Variants in FYB2 observed in about 807,000 individuals in gnomAD.
FYB2 encodes FYN-binding protein 2.
Under a neutral mutation model 94.1 loss-of-function variants are expected in FYB2, and 103 were observed. The observed-to-expected ratio is 1.09, with a 90% CI of 0.93 to 1.29. The LOEUF (loss-of-function observed/expected upper bound fraction) is 1.29, where lower values mean the gene tolerates loss of function less well. FYB2 is among the 50% of genes most tolerant of loss of function. FYB2 has a pLI of 0.00. For missense variants in FYB2, 896 were observed against 841.5 expected (o/e 1.06, Z -0.80); for synonymous variants, 293 against 287.9 (o/e 1.02, Z -0.18).
intron 15 of FYB2, 60 bp from the exon 16 acceptor site, chr1:56,726,643 A>G (rs767088580): frequency 7.4e-7 from 1 of 1,355,402 alleles, no homozygotes; most frequent in Non-Finnish European, 1.0e-6. Flanking sequence ...TCATGGAACC[A>G]TCAACACTTC....
intron 16 of FYB2, among the ~76,000 whole-genome samples, chr1:56,725,899 G>A (rs185067400): frequency 2.0e-5 from 3 of 152,066 alleles, no homozygotes; most frequent in East Asian, 3.9e-4. Context: ...CTCATATCCT[G>A]CCCCATGTCC....
intron 13 of FYB2, among the ~76,000 whole-genome samples, chr1:56,740,262 C>A (rs72668346): frequency 4.3e-4 from 66 of 152,188 alleles, no homozygotes; most frequent in Non-Finnish European, 3.5e-4. Context: ...CTCATCTCCC[C>A]CTTCCACATA....
At position 56,792,285 on chromosome 1, in the gene FYB2, C is replaced by T. The variant is rs777916991; in HGVS notation, c.528G>A (p.Gly176=). 7 of 1,613,960 alleles carry T rather than the reference C, an allele frequency of 4.3e-6. No individual in the cohort carries two copies. In the African/African-American group the frequency reaches 8.0e-5, roughly 18 times the overall value. ...TTTTCCTGGGTTCCTCTGGAGTAAG[C>T]CCCATGCCTTTTTGCCCTTCCAGAT... is the stretch of plus-strand genomic sequence containing the variant. ...AIHLEGQKGM[G]LTPEEPRKKL... The change falls in exon 2 of 20, where the codon GGG becomes GGA. Residue 176 remains glycine (G), a synonymous_variant. Transcript: ENST00000343433.
At chr1:56,790,887 A>G (rs541615845) in intron 2 of FYB2, among the ~76,000 whole-genome samples, 1 of 152,302 alleles carries the variant, frequency 6.6e-6, no homozygotes, top group Non-Finnish European at 1.5e-5. Flanking sequence ...CAGCTACAAA[A>G]GCTTAAAGAA....
chr1:56,734,244 T>C (rs1473597604), intron 15 of FYB2, among the ~76,000 whole-genome samples: 1 of 152,166 alleles, frequency 6.6e-6, no homozygotes, highest in African/African-American at 2.4e-5. Flanking sequence ...ACCCCTGCTT[T>C]TTTTGCTTTC....
At chr1:56,791,950 C>T (rs1427517560) in intron 2 of FYB2, 106 bp downstream of exon 2, 4 of 1,432,762 alleles carry the variant, frequency 2.8e-6, no homozygotes, top group Non-Finnish European at 3.7e-6. Flanking sequence ...TCTGGAGCCA[C>T]ATTTCCCAGG....
intron 11 of FYB2, 61 bp downstream of exon 11, chr1:56,743,965 C>G: frequency 6.6e-7 from 1 of 1,508,962 alleles, no homozygotes; most frequent in Non-Finnish European, 9.1e-7. Flanking sequence ...TATCACTAAT[C>G]AGCCATAGAA....
intron 1 of FYB2, among the ~76,000 whole-genome samples, chr1:56,793,329 C>T (rs1230067941): frequency 1.3e-5 from 2 of 152,172 alleles, no homozygotes; most frequent in Non-Finnish European, 2.9e-5. Flanking sequence ...GGTTTGTGTT[C>T]TTGCTTCACA....
intron 4 of FYB2, among the ~76,000 whole-genome samples, chr1:56,782,058 G>A (rs1340099134): frequency 1.3e-5 from 2 of 152,148 alleles, no homozygotes; most frequent in Non-Finnish European, 2.9e-5. Context: ...CGTACGATGT[G>A]TAAAGTTCAA....
intron 5 of FYB2, among the ~76,000 whole-genome samples, chr1:56,763,910 T>C (rs17114291): frequency 0.034 from 5,186 of 152,184 alleles, 212 homozygotes; most frequent in East Asian, 0.22. Context: ...TGCATTTCTT[T>C]TAGATTTGCT....
intron 4 of FYB2, among the ~76,000 whole-genome samples, chr1:56,772,133 C>A (rs1645772565): frequency 6.6e-6 from 1 of 152,006 alleles, no homozygotes; most frequent in Non-Finnish European, 1.5e-5. Flanking sequence ...TAGGCTATGC[C>A]ATAGAGCTCA....
rs1177315636 is a variant in FYB2, at chr1:56,751,031, A to T, written c.1387+13T>A. 5 of 1,606,622 alleles carry T rather than the reference A, an allele frequency of 3.1e-6. No homozygotes were observed. The highest frequency in any genetic ancestry group is 4.3e-6 in the Non-Finnish European group (5 of 1,176,010). ...TGTAATGATGAAGAAGATCAGAAAG[A>T]AATGCAACTTACAGTGGCCTTGGGA... On this transcript the variant is annotated intron_variant, in intron 9 of 19. Coordinates refer to ENST00000343433, the MANE Select transcript of FYB2 (RefSeq NM_001004303.5).
At position 56,758,709 on chromosome 1, in the gene FYB2, A is replaced by G. The variant is rs1210600721; in HGVS notation, c.1098+7T>C. 3.0e-5 allele frequency: 47 copies of G among 1,587,634 alleles called. No individual in the cohort carries two copies. Among genetic ancestry groups the G allele is most frequent in the Non-Finnish European group, 4.0e-5 (47 of 1,164,412 alleles). On this transcript the variant is annotated splice_region_variant and intron_variant, in intron 6 of 19. Coordinates refer to ENST00000343433, the MANE Select transcript of FYB2 (RefSeq NM_001004303.5). ...TTAGTTACAATGTTGGTAAGGAGAA[A>G]CAATACCTTTTGGAGTTCTTCAATT... is the stretch of plus-strand genomic sequence containing the variant.
At chr1:56,772,782 G>A (rs140779700) in intron 4 of FYB2, among the ~76,000 whole-genome samples, 20 of 152,210 alleles carry the variant, frequency 1.3e-4, no homozygotes, top group South Asian at 1.0e-3. Context: ...CTTTAAAGGC[G>A]TATTATGGAT....
intron 2 of FYB2, among the ~76,000 whole-genome samples, chr1:56,790,618 A>T (rs1261807199): frequency 6.6e-6 from 1 of 152,146 alleles, no homozygotes; most frequent in Non-Finnish European, 1.5e-5. Flanking sequence ...TATTCCAGGT[A>T]TTGTTCTAGG....
chr1:56,812,816 G>A (rs993399696), intron 1 of FYB2, among the ~76,000 whole-genome samples: 1 of 152,138 alleles, frequency 6.6e-6, no homozygotes, highest in African/African-American at 2.4e-5. Context: ...GGTTGATGGG[G>A]GAAGAGTAGT....
chr1:56,789,244 C>T, intron 2 of FYB2, 110 bp from the exon 3 acceptor site: 2 of 1,248,594 alleles, frequency 1.6e-6, no homozygotes, highest in Non-Finnish European at 2.2e-6. Flanking sequence ...CTATTCTCCA[C>T]CCAACAGCTA....
In FYB2 at chr1:56,752,314, C is replaced by T. The variant is rs1239774557; in HGVS notation, c.1228-1111G>A. Among the ~76,000 whole-genome samples the T allele has an allele frequency of 3.3e-5, 5 of 151,964 alleles. No homozygotes were observed. The East Asian group carries it at 5.8e-4, about 18-fold the overall frequency. On this transcript the variant is annotated intron_variant, in intron 8 of 19. Transcript: ENST00000343433. ...TTCTGGATAGACTGACAGGACGAGA[C>T]CCTGGAGAGAGAGAAAATTAGAGTA...
At position 56,740,597 on chromosome 1, in the gene FYB2, G is replaced by T. The variant is rs925653091; in HGVS notation, c.1703+100C>A. On this transcript the variant is annotated intron_variant, in intron 13 of 19. Transcript: ENST00000343433. ...GGCCAGACCCTTGGTTTTAGTTTCT[G>T]ATATCCCCTTCACTGTTTCTGAGAT... 21 of 672,316 alleles carry T rather than the reference G, an allele frequency of 3.1e-5. No homozygotes were observed. The South Asian group carries it at 4.6e-4, about 15-fold the overall frequency. 41.6% of individuals were successfully genotyped at this position (672,316 alleles called of 1,614,324 possible).
Sources: allele counts gnomAD v4.1 joint callset (sites outside exome capture counted in the v4.1 genomes callset), GRCh38; gene constraint gnomAD v4.1.1; transcripts MANE v1.5; gene names NCBI Gene and HGNC (gene_info 2026-07-23, HGNC 2026-07-21).